The following CDH13 variants were observed in gnomAD, a reference collection of about 807,000 sequenced individuals.
The protein encoded by CDH13 is cadherin-13.
Under a neutral mutation model 63.8 loss-of-function variants are expected in CDH13, and 24 were observed. The observed-to-expected ratio is 0.38, with a 90% CI of 0.27 to 0.53. The LOEUF (loss-of-function observed/expected upper bound fraction) is 0.53, where lower values mean the gene tolerates loss of function less well. CDH13 is among the 20% of genes least tolerant of loss of function. The pLI, the probability that CDH13 is intolerant of heterozygous loss-of-function variation, is 0.85. For missense variants in CDH13, 1,049 were observed against 903.1 expected (o/e 1.16, Z -2.07); for synonymous variants, 503 against 355.3 (o/e 1.42, Z -4.67).
chr16:83,270,519 A>T (rs530702392), intron 5 of CDH13, among the ~76,000 whole-genome samples: 21 of 152,220 alleles, frequency 1.4e-4, no homozygotes, highest in Non-Finnish European at 2.6e-4. Flanking sequence ...TCAATTATCA[A>T]TGTCGGTATC....
intron 1 of CDH13, among the ~76,000 whole-genome samples, chr16:82,857,441 G>C (rs1337003856): frequency 6.6e-6 from 1 of 152,168 alleles, no homozygotes; most frequent in Non-Finnish European, 1.5e-5. Flanking sequence ...GGTAATACCT[G>C]TTTTTATGGC....
intron 4 of CDH13, among the ~76,000 whole-genome samples, chr16:83,149,657 C>G (rs1420115539): frequency 6.6e-6 from 1 of 152,168 alleles, no homozygotes; most frequent in African/African-American, 2.4e-5. Context: ...GGAAGTTACA[C>G]TGGTTTCTAA....
intron 5 of CDH13, among the ~76,000 whole-genome samples, chr16:83,304,477 C>T (rs562076681): frequency 6.7e-4 from 102 of 151,912 alleles, no homozygotes; most frequent in African/African-American, 2.3e-3. Context: ...TAGAAGTCTA[C>T]ATAAAAATAG....
At chr16:83,312,957 A>G (rs755033953) in intron 5 of CDH13, among the ~76,000 whole-genome samples, 8 of 152,244 alleles carry the variant, frequency 5.3e-5, no homozygotes, top group African/African-American at 1.9e-4. Flanking sequence ...GCTGTAAAGC[A>G]TAAGTTTTCC....
intron 1 of CDH13, among the ~76,000 whole-genome samples, chr16:82,674,393 G>A (rs1435568198): frequency 6.6e-6 from 1 of 152,190 alleles, no homozygotes. Context: ...TATTTGAAAT[G>A]AATGTGAGAT....
At chr16:82,798,758 G>A (rs2036707524) in intron 1 of CDH13, among the ~76,000 whole-genome samples, 1 of 152,136 alleles carries the variant, frequency 6.6e-6, no homozygotes, top group African/African-American at 2.4e-5. Flanking sequence ...AGGTAGAGCT[G>A]GGGGTTGGTG....
At chr16:83,124,713 C>T (rs905632063) in intron 3 of CDH13, among the ~76,000 whole-genome samples, 1 of 152,102 alleles carries the variant, frequency 6.6e-6, no homozygotes, top group African/African-American at 2.4e-5. Flanking sequence ...GGTCCAATTT[C>T]ACTCTTAGGT....
At chr16:83,376,599 C>T (rs925086842) in intron 6 of CDH13, among the ~76,000 whole-genome samples, 10 of 151,918 alleles carry the variant, frequency 6.6e-5, no homozygotes, top group East Asian at 1.9e-4. Context: ...ACATCTAACT[C>T]GGTGAGATGC....
chr16:82,640,719 A>G (rs943314923), intron 1 of CDH13, among the ~76,000 whole-genome samples: 1 of 152,226 alleles, frequency 6.6e-6, no homozygotes, highest in Admixed American at 6.5e-5. Flanking sequence ...CTCAGTTGCC[A>G]TGAAAATCAT....
intron 13 of CDH13, among the ~76,000 whole-genome samples, chr16:83,784,897 T>C (rs966487755): frequency 6.6e-6 from 1 of 152,172 alleles, no homozygotes; most frequent in Non-Finnish European, 1.5e-5. Context: ...CAGGTACTAA[T>C]GTCACTTAAC....
chr16:83,730,067 C>G (rs1490639543), intron 10 of CDH13, among the ~76,000 whole-genome samples: 2 of 152,216 alleles, frequency 1.3e-5, no homozygotes. Context: ...TATGTGTTGT[C>G]ATCTTGTCAT....
chr16:83,195,055 T>C (rs1481028519), intron 4 of CDH13, among the ~76,000 whole-genome samples: 1 of 152,220 alleles, frequency 6.6e-6, no homozygotes, highest in East Asian at 1.9e-4. Context: ...GTAACCCCTT[T>C]CCTGGGTGTC....
At chr16:82,748,870 A>C (rs943898079) in intron 1 of CDH13, among the ~76,000 whole-genome samples, 1 of 152,162 alleles carries the variant, frequency 6.6e-6, no homozygotes, top group Non-Finnish European at 1.5e-5. Context: ...TTGAACTTTC[A>C]AATATGTGCC....
chr16:82,808,485 G>T (rs114158275), intron 1 of CDH13, among the ~76,000 whole-genome samples: 2 of 152,284 alleles, frequency 1.3e-5, no homozygotes, highest in East Asian at 3.9e-4. Context: ...AAATAAGAAG[G>T]ACTGACAGGA....
intron 5 of CDH13, among the ~76,000 whole-genome samples, chr16:83,326,806 T>C (rs1416790370): frequency 6.6e-6 from 1 of 152,212 alleles, no homozygotes; most frequent in East Asian, 1.9e-4. Context: ...AGAGGTCCTA[T>C]AACAAAGCCA....
At chr16:83,696,873 A>T (rs898085256) in intron 10 of CDH13, among the ~76,000 whole-genome samples, 3 of 152,068 alleles carry the variant, frequency 2.0e-5, no homozygotes, top group Non-Finnish European at 4.4e-5. Context: ...CTCTCCCCTG[A>T]TGAAGCCCTT....
At chr16:83,172,201 A>T (rs1296453865) in intron 4 of CDH13, among the ~76,000 whole-genome samples, 1 of 152,144 alleles carries the variant, frequency 6.6e-6, no homozygotes, top group East Asian at 1.9e-4. Context: ...ATGAAAATAA[A>T]GGCAGATGGC....
rs74634021 is a variant in CDH13, at chr16:83,669,991, T to C, written c.1102-799T>C. 7.4e-4 allele frequency among the ~76,000 whole-genome samples: 112 copies of C among 152,330 alleles called. No individual in the cohort carries two copies. In the East Asian group the frequency reaches 0.01, roughly 14 times the overall value. On this transcript the variant is annotated intron_variant, in intron 8 of 13. Transcript: ENST00000567109. ...ATGAAATTCTCTATCTATGAGAAAG[T>C]TGATTTTTCATTTATTGATTTATTT...
chr16:83,288,520 T>C (rs2089383006), intron 5 of CDH13, among the ~76,000 whole-genome samples: 1 of 152,106 alleles, frequency 6.6e-6, no homozygotes, highest in Non-Finnish European at 1.5e-5. Context: ...GGGTGGCAGC[T>C]CCCTGTGCCT....
Sources: allele counts gnomAD v4.1 joint callset (sites outside exome capture counted in the v4.1 genomes callset), GRCh38; gene constraint gnomAD v4.1.1; transcripts MANE v1.5; gene names NCBI Gene and HGNC (gene_info 2026-07-23, HGNC 2026-07-21).